WDR49: variants seen among roughly 807,000 people sequenced by gnomAD.
The protein encoded by WDR49 is cilia- and flagella-associated protein 337.
Under a neutral mutation model 119.5 loss-of-function variants are expected in WDR49, and 107 were observed. The observed-to-expected ratio is 0.90, with a 90% CI of 0.77 to 1.05. WDR49 has a LOEUF of 1.05. WDR49 is among the 50% of genes least tolerant of loss of function. The pLI is 0.00. For missense variants in WDR49, 1,240 were observed against 1,220.5 expected (o/e 1.02, Z -0.24); for synonymous variants, 425 against 418.8 (o/e 1.01, Z -0.18).
intron 16 of WDR49, among the ~76,000 whole-genome samples, chr3:167,517,722 TCTTTTC>T (rs986569026): frequency 1.3e-5 from 2 of 151,856 alleles, no homozygotes; most frequent in African/African-American, 4.8e-5. Flanking sequence ...TCTTTTCTTT[TCTTTTC>T]TTTTCTTTTT....
rs73878764 is a variant in WDR49 at position 167,601,360 on chromosome 3, T to C, written c.1275+767A>G. 8.7e-3 allele frequency among the ~76,000 whole-genome samples: 1,318 copies of C among 152,270 alleles called. 14 individuals are homozygous for C. Among genetic ancestry groups the C allele is most frequent in the African/African-American group, 0.03 (1,259 of 41,564 alleles). On this transcript the variant is annotated intron_variant, in intron 7 of 18. Transcript: ENST00000682715. ...ATTTATATTTGCATATATTTTAGCA[T>C]ACAACAAAAATTTATATTCACTCAA... is the stretch of plus-strand genomic sequence containing the variant.
intron 7 of WDR49, among the ~76,000 whole-genome samples, chr3:167,600,159 CG>C (rs2108304178): frequency 6.6e-6 from 1 of 152,096 alleles, no homozygotes; most frequent in African/African-American, 2.4e-5. Flanking sequence ...TCTCCTCAAG[CG>C]GAAGGAAGGG....
intron 16 of WDR49, among the ~76,000 whole-genome samples, chr3:167,516,806 C>A (rs187583827): frequency 4.7e-4 from 72 of 152,050 alleles, no homozygotes; most frequent in African/African-American, 1.7e-3. Flanking sequence ...AAAATTTTTG[C>A]AATCTACTAA....
intron 10 of WDR49, among the ~76,000 whole-genome samples, chr3:167,546,860 G>C (rs1194472295): frequency 1.3e-5 from 2 of 151,662 alleles, no homozygotes; most frequent in Non-Finnish European, 2.9e-5. Context: ...TAGTCCTATT[G>C]TCATGTCTTG....
At chr3:167,481,343 G>T (rs1219580976) in intron 18 of WDR49, among the ~76,000 whole-genome samples, 2 of 151,944 alleles carry the variant, frequency 1.3e-5, no homozygotes, top group Admixed American at 6.6e-5. Context: ...AAAAACTAAG[G>T]GAGGAGATGA....
chr3:167,515,574 G>A (rs984602185), intron 16 of WDR49, among the ~76,000 whole-genome samples: 1 of 152,100 alleles, frequency 6.6e-6, no homozygotes, highest in African/African-American at 2.4e-5. Context: ...TTGAAAACCG[G>A]CACAAGACAA....
intron 2 of WDR49, among the ~76,000 whole-genome samples, chr3:167,647,708 G>T (rs112912350): frequency 1.3e-5 from 2 of 152,190 alleles, no homozygotes; most frequent in African/African-American, 4.8e-5. Flanking sequence ...AGCAGATGAT[G>T]AATTGACTGA....
chr3:167,591,738 T>G (rs188438665), intron 7 of WDR49, among the ~76,000 whole-genome samples: 2 of 152,138 alleles, frequency 1.3e-5, no homozygotes, highest in African/African-American at 4.8e-5. Flanking sequence ...CATTCTGGCA[T>G]GGAATATCAT....
At chr3:167,545,750 A>G (rs1416186989) in intron 10 of WDR49, among the ~76,000 whole-genome samples, 1 of 150,368 alleles carries the variant, frequency 6.7e-6, no homozygotes, top group East Asian at 1.9e-4. Context: ...AAGACTGCAC[A>G]TTGGGAACAG....
At chr3:167,554,035 A>C (rs1394542885) in intron 10 of WDR49, among the ~76,000 whole-genome samples, 1 of 152,096 alleles carries the variant, frequency 6.6e-6, no homozygotes, top group Non-Finnish European at 1.5e-5. Context: ...TGATGAATTA[A>C]TGGACAATAT....
At chr3:167,565,151 T>C (rs756618598) in intron 8 of WDR49, among the ~76,000 whole-genome samples, 1 of 152,176 alleles carries the variant, frequency 6.6e-6, no homozygotes, top group Non-Finnish European at 1.5e-5. Flanking sequence ...ATTCAAATAT[T>C]TTAGGGCAGC....
intron 16 of WDR49, among the ~76,000 whole-genome samples, chr3:167,513,756 T>C (rs948490143): frequency 2.6e-5 from 4 of 151,944 alleles, no homozygotes; most frequent in Admixed American, 2.0e-4. Flanking sequence ...AATAAAGGAA[T>C]GGAGGAAATT....
At chr3:167,533,039 C>T in intron 11 of WDR49, 62 bp from the exon 12 acceptor site, 14 of 1,241,424 alleles carry the variant, frequency 1.1e-5, no homozygotes, top group Non-Finnish European at 1.6e-5. Context: ...ATATGAGCAA[C>T]AGCAATCAGA....
intron 10 of WDR49, among the ~76,000 whole-genome samples, chr3:167,547,656 CTT>C (rs74953812): frequency 3.0e-4 from 39 of 132,026 alleles, no homozygotes; most frequent in Admixed American, 3.1e-4. Context: ...ACAAGATTTT[CTT>C]TTTTTTTTTT....
intron 5 of WDR49, among the ~76,000 whole-genome samples, chr3:167,606,067 C>T (rs147513033): frequency 6.6e-6 from 1 of 152,220 alleles, no homozygotes; most frequent in African/African-American, 2.4e-5. Context: ...TCAATGTAAA[C>T]CTGAGATTCT....
intron 7 of WDR49, among the ~76,000 whole-genome samples, chr3:167,577,205 T>C (rs1714293980): frequency 6.6e-6 from 1 of 152,112 alleles, no homozygotes; most frequent in African/African-American, 2.4e-5. Flanking sequence ...GCTCCCTTCA[T>C]TTCAAAGAGG....
intron 7 of WDR49, among the ~76,000 whole-genome samples, chr3:167,598,728 C>G (rs895582942): frequency 6.6e-6 from 1 of 152,198 alleles, no homozygotes; most frequent in Non-Finnish European, 1.5e-5. Flanking sequence ...TGGACTAATA[C>G]ATTTTTTGAG....
chr3:167,631,054 T>C (rs1577289739), intron 2 of WDR49, among the ~76,000 whole-genome samples: 1 of 151,626 alleles, frequency 6.6e-6, no homozygotes, highest in South Asian at 2.1e-4. Context: ...ACTAAAGAGA[T>C]GTTAAAAACA....
At chr3:167,520,755 G>A (rs1752406648) in intron 16 of WDR49, among the ~76,000 whole-genome samples, 1 of 152,068 alleles carries the variant, frequency 6.6e-6, no homozygotes. Flanking sequence ...AAAATGAGGT[G>A]GTTAGACTCT....
Sources: gnomAD v4.1 joint callset for allele counts (sites outside exome capture counted in the v4.1 genomes callset) on GRCh38, gnomAD v4.1.1 for gene constraint, MANE v1.5 for transcripts, NCBI Gene and HGNC (gene_info 2026-07-23, HGNC 2026-07-21) for gene names.